Variants in SEMA5A observed in about 807,000 individuals in gnomAD.
The protein encoded by SEMA5A is semaphorin-5A.
Under a neutral mutation model 135.5 loss-of-function variants are expected in SEMA5A, and 55 were observed. The ratio of observed to expected loss-of-function variants is 0.41; its 90% confidence interval spans 0.33 to 0.51. SEMA5A has a LOEUF of 0.51. Among genes scored for constraint, SEMA5A ranks in the 20% least tolerant of loss-of-function variants. SEMA5A has a pLI of 0.37. For missense variants in SEMA5A, 1,290 were observed against 1,419.9 expected, an observed-to-expected ratio of 0.91 and a Z score of 1.47; for synonymous variants, 580 against 546.5, an observed-to-expected ratio of 1.06 and a Z score of -0.85.
intron 1 of SEMA5A, among the ~76,000 whole-genome samples, chr5:9,460,984 C>G (rs1248233942): frequency 6.6e-6 from 1 of 152,278 alleles, no homozygotes; most frequent in South Asian, 2.1e-4. Flanking sequence ...TTTCCCTAAA[C>G]CTTGCTTAGC....
intron 1 of SEMA5A, among the ~76,000 whole-genome samples, chr5:9,518,387 T>C (rs968571516): frequency 1.3e-5 from 2 of 152,200 alleles, no homozygotes; most frequent in African/African-American, 4.8e-5. Context: ...ATCACCAATG[T>C]TAGAGATTTA....
chr5:9,380,203 C>T (rs564082080), intron 2 of SEMA5A, 180 bp from the exon 3 acceptor site: 3 of 456,340 alleles, frequency 6.6e-6, no homozygotes, highest in East Asian at 7.3e-5. Flanking sequence ...TGTATGAATG[C>T]ATGCGTGAGT....
At chr5:9,525,908 A>G (rs1247959296) in intron 1 of SEMA5A, among the ~76,000 whole-genome samples, 1 of 152,208 alleles carries the variant, frequency 6.6e-6, no homozygotes. Context: ...AGCAAAAACT[A>G]TATTATTCAG....
rs147869499 is a variant in SEMA5A, at chr5:9,108,184, G to T, written c.2029C>A (p.Arg677Ser). 1 of 1,614,100 alleles carries T rather than the reference G, an allele frequency of 6.2e-7. No individual in the cohort carries two copies. Among genetic ancestry groups the T allele is most frequent in the South Asian group, 1.1e-5 (1 of 91,068 alleles). Reference protein sequence around the residue: ...AQCGGGIQARRRICENGPDCA... With the variant: ...AQCGGGIQARSRICENGPDCA... ...TCAGGCCCATTCTCACAGATCCTGC[G>T]GCGAGCTTGAATGCCACCCCCGCAT... The change falls in exon 16 of 23, where the codon CGC becomes AGC. Residue 677 changes from arginine (R) to serine (S), a missense_variant. By Grantham distance (110) the Arg-to-Ser change is moderately radical. Transcript: ENST00000382496.
At chr5:9,305,261 T>C (rs1175846391) in intron 5 of SEMA5A, among the ~76,000 whole-genome samples, 1 of 152,200 alleles carries the variant, frequency 6.6e-6, no homozygotes, top group African/African-American at 2.4e-5. Context: ...TTTCCATGGA[T>C]ATTTTTATTT....
chr5:9,176,672 A>T lies in SEMA5A; in HGVS notation c.1273+13595T>A, dbSNP rs575140269. On this transcript the variant is annotated intron_variant, in intron 11 of 22. Coordinates refer to ENST00000382496, the MANE Select transcript of SEMA5A (RefSeq NM_003966.3). The stretch of plus-strand genomic sequence containing the variant: ...GAGGTTAGCTGTCCTGCTCTTGTTG[A>T]AAAAAGGGGCCCCAGTTCTGGCAGA... 6.4e-4 allele frequency among the ~76,000 whole-genome samples: 98 copies of T among 152,282 alleles called. 1 individual carries two copies. The highest frequency in any genetic ancestry group is 1.1e-3 in the Non-Finnish European group (78 of 68,024).
chr5:9,114,262 A>C (rs1161096116), intron 15 of SEMA5A, among the ~76,000 whole-genome samples: 2 of 152,246 alleles, frequency 1.3e-5, no homozygotes, highest in East Asian at 3.8e-4. Flanking sequence ...ATTAGTAGAG[A>C]CAGAACATAA....
chr5:9,173,139 CT>C (rs1744017377), intron 11 of SEMA5A, among the ~76,000 whole-genome samples: 1 of 152,142 alleles, frequency 6.6e-6, no homozygotes, highest in South Asian at 2.1e-4. Flanking sequence ...TGAAATGGCA[CT>C]GTTGAAGATC....
chr5:9,114,935 AGTCCT>A, intron 15 of SEMA5A, among the ~76,000 whole-genome samples: 1 of 152,208 alleles, frequency 6.6e-6, no homozygotes, highest in Admixed American at 6.5e-5. Flanking sequence ...TTACACAAAG[AGTCCT>A]TTCTAGAGCA....
chr5:9,230,378 T>C (rs188755575), intron 6 of SEMA5A, among the ~76,000 whole-genome samples: 1 of 152,138 alleles, frequency 6.6e-6, no homozygotes, highest in East Asian at 1.9e-4. Flanking sequence ...GTGATAACCA[T>C]GGTAACCATG....
At chr5:9,067,696 C>G (rs542256073) in intron 16 of SEMA5A, among the ~76,000 whole-genome samples, 2 of 152,146 alleles carry the variant, frequency 1.3e-5, no homozygotes, top group Non-Finnish European at 2.9e-5. Context: ...TTTGGTAAAA[C>G]CTTTGAATCT....
At chr5:9,268,631 T>C (rs1234537644) in intron 5 of SEMA5A, among the ~76,000 whole-genome samples, 1 of 152,114 alleles carries the variant, frequency 6.6e-6, no homozygotes, top group Non-Finnish European at 1.5e-5. Flanking sequence ...GATACAGAGG[T>C]AGGAAATATT....
intron 18 of SEMA5A, among the ~76,000 whole-genome samples, chr5:9,057,817 T>C (rs923459442): frequency 1.3e-5 from 2 of 152,370 alleles, no homozygotes; most frequent in Non-Finnish European, 2.9e-5. Flanking sequence ...CCAATTCTAA[T>C]GCGGTGCTTG....
intron 5 of SEMA5A, among the ~76,000 whole-genome samples, chr5:9,254,445 C>T (rs1205787374): frequency 1.3e-5 from 2 of 152,100 alleles, no homozygotes; most frequent in Admixed American, 1.3e-4. Context: ...TTGCTGAAAA[C>T]AGGTACCAGG....
At chr5:9,366,612 T>A (rs1033665596) in intron 3 of SEMA5A, among the ~76,000 whole-genome samples, 1 of 152,158 alleles carries the variant, frequency 6.6e-6, no homozygotes, top group African/African-American at 2.4e-5. Context: ...ACGGTCTCCA[T>A]CTCCTGACCT....
intron 2 of SEMA5A, among the ~76,000 whole-genome samples, chr5:9,402,432 C>G (rs1203420357): frequency 6.6e-6 from 1 of 152,172 alleles, no homozygotes; most frequent in African/African-American, 2.4e-5. Flanking sequence ...CACTTTCCAG[C>G]TTTGTGACTT....
intron 2 of SEMA5A, among the ~76,000 whole-genome samples, chr5:9,402,316 A>G (rs573661634): frequency 2.6e-5 from 4 of 152,308 alleles, no homozygotes; most frequent in Non-Finnish European, 5.9e-5. Context: ...CAATTTCACA[A>G]GAGATGCTAT....
intron 5 of SEMA5A, among the ~76,000 whole-genome samples, chr5:9,248,614 T>G (rs1748605600): frequency 6.6e-6 from 1 of 150,652 alleles, no homozygotes; most frequent in Non-Finnish European, 1.5e-5. Flanking sequence ...GATCTTGAGA[T>G]GGAGACATTA....
At chr5:9,228,905 T>A (rs1457378123) in intron 6 of SEMA5A, among the ~76,000 whole-genome samples, 1 of 152,208 alleles carries the variant, frequency 6.6e-6, no homozygotes, top group Non-Finnish European at 1.5e-5. Context: ...TAATTTCCCA[T>A]AACCCAGTCT....
Sources: gnomAD v4.1 joint callset for allele counts (sites outside exome capture counted in the v4.1 genomes callset) on GRCh38, gnomAD v4.1.1 for gene constraint, MANE v1.5 for transcripts, NCBI Gene and HGNC (gene_info 2026-07-23, HGNC 2026-07-21) for gene names.